UNC13A: variants seen among roughly 807,000 people sequenced by gnomAD.
UNC13A encodes the protein protein unc-13 homolog A.
Under a neutral mutation model 219.7 loss-of-function variants are expected in UNC13A, and 61 were observed. The ratio of observed to expected loss-of-function variants is 0.28; its 90% CI spans 0.23 to 0.34. The LOEUF (loss-of-function observed/expected upper bound fraction) is 0.34. Ranked by LOEUF, UNC13A falls within the 10% of genes least tolerant of loss-of-function variation. UNC13A has a pLI of 1.00. For missense variants in UNC13A, 1,476 were observed against 2,270.3 expected, an observed-to-expected ratio of 0.65 and a Z score of 7.11; for synonymous variants, 920 against 884.6, an observed-to-expected ratio of 1.04 and a Z score of -0.71.
intron 41 of UNC13A, 29 bp downstream of exon 41, chr19:17,617,673 A>G (rs1240499521): frequency 1.2e-6 from 2 of 1,606,080 alleles, no homozygotes; most frequent in Middle Eastern, 1.7e-4. Context: ...GCGGAGCGGG[A>G]AAGGGTGATG....
chr19:17,648,016 T>G (rs1396345270), intron 16 of UNC13A, among the ~76,000 whole-genome samples: 1 of 37,346 alleles, frequency 2.7e-5, no homozygotes. Flanking sequence ...CCCCTCCCCC[T>G]TCCAATCCCC....
At chr19:17,644,015 A>C (rs2076997415) in intron 19 of UNC13A, among the ~76,000 whole-genome samples, 1 of 152,064 alleles carries the variant, frequency 6.6e-6, no homozygotes, top group Non-Finnish European at 1.5e-5. Context: ...CACCTCTCTC[A>C]GGCTGGGTCC....
At chr19:17,681,069 C>CTTTTTT (rs71929988) in intron 1 of UNC13A, among the ~76,000 whole-genome samples, 8 of 96,074 alleles carry the variant, frequency 8.3e-5, no homozygotes, top group Admixed American at 1.3e-4. Flanking sequence ...TTGGCTATTC[C>CTTTTTT]TTTTTTTTTT....
chr19:17,613,415 AAAC>A (rs2076625529), intron 41 of UNC13A, among the ~76,000 whole-genome samples: 1 of 152,062 alleles, frequency 6.6e-6, no homozygotes, highest in African/African-American at 2.4e-5. Flanking sequence ...TCAAAAAACA[AAAC>A]AAAGCAAAAC....
chr19:17,635,974 CAT>C, intron 26 of UNC13A, 48 bp downstream of exon 26: 1 of 1,573,984 alleles, frequency 6.4e-7, no homozygotes, highest in Non-Finnish European at 8.7e-7. Flanking sequence ...AAGTTGTATA[CAT>C]ACACACGATG....
At chr19:17,619,721 C>A (rs1015777625) in intron 38 of UNC13A, among the ~76,000 whole-genome samples, 11 of 152,170 alleles carry the variant, frequency 7.2e-5, no homozygotes, top group African/African-American at 2.7e-4. Context: ...GCGTGAGCCA[C>A]ATTGCCAGCC....
In UNC13A at chr19:17,656,311, G is replaced by A. The variant is rs1419540405; in HGVS notation, c.855C>T (p.His285=). 5 of 1,555,368 alleles carry A rather than the reference G, an allele frequency of 3.2e-6. No individual in the cohort carries two copies. Among genetic ancestry groups the A allele is most frequent in the Non-Finnish European group, 4.3e-6 (5 of 1,149,428 alleles). The change falls in exon 10 of 44, where the codon CAC becomes CAT. Residue 285 remains histidine (H), a synonymous_variant. Transcript: ENST00000519716. ...QLSEDFDPDE[H]SLQGSDMEDE... is the part of the protein sequence containing the mutation. ...CCTCCATGTCGGAGCCCTGCAGGCTGTGCTCGTCAGGGTCGAAGTCCTCGC... is the reference window on the plus strand; with the variant it reads ...CCTCCATGTCGGAGCCCTGCAGGCTATGCTCGTCAGGGTCGAAGTCCTCGC...
intron 8 of UNC13A, 59 bp from the exon 9 acceptor site, chr19:17,658,328 G>T: frequency 6.6e-7 from 1 of 1,510,346 alleles, no homozygotes; most frequent in South Asian, 1.2e-5. Context: ...CATGATGGGA[G>T]CCAATACAAT....
At chr19:17,629,589 T>C (rs887749333) in intron 30 of UNC13A, among the ~76,000 whole-genome samples, 5 of 152,106 alleles carry the variant, frequency 3.3e-5, no homozygotes, top group Non-Finnish European at 7.4e-5. Context: ...AACCACAAGA[T>C]GACCTGATCT....
chr19:17,615,050 C>A (rs1219136115), intron 41 of UNC13A, among the ~76,000 whole-genome samples: 2 of 152,096 alleles, frequency 1.3e-5, no homozygotes, highest in Admixed American at 1.3e-4. Context: ...CTTCTTCCAA[C>A]CCCACTCCCC....
At chr19:17,608,741 C>T (rs1349353127) in intron 43 of UNC13A, among the ~76,000 whole-genome samples, 5 of 151,830 alleles carry the variant, frequency 3.3e-5, no homozygotes, top group African/African-American at 7.3e-5. Flanking sequence ...TGGTCTCGAT[C>T]TCCTGACCTC....
At chr19:17,680,951 G>A (rs1330359579) in intron 1 of UNC13A, among the ~76,000 whole-genome samples, 1 of 134,624 alleles carries the variant, frequency 7.4e-6, no homozygotes, top group Non-Finnish European at 1.5e-5. Flanking sequence ...CCAGGCTGGA[G>A]GGCAGTGGTG....
In UNC13A at chr19:17,630,133, A is replaced by G; in HGVS notation, c.3669+12T>C. 2 of 1,550,066 alleles carry G rather than the reference A, an allele frequency of 1.3e-6. No homozygotes were observed. The highest frequency in any genetic ancestry group is 1.7e-6 in the Non-Finnish European group (2 of 1,146,556). ...CTGTCCCCTAGCCCCAACCCTACCC[A>G]CTCTCCCACACCTTGGCAAAGCGCC... On this transcript the variant is annotated intron_variant, in intron 30 of 43. Coordinates refer to ENST00000519716, the MANE Select transcript of UNC13A (RefSeq NM_001080421.3).
At position 17,606,333 on chromosome 19, in the gene UNC13A, A is replaced by G. The variant is rs755738864; in HGVS notation, c.4833T>C (p.Gly1611=). ...ACACCTGCAGCTCATAGCACTCGGG[A>G]CCCGCGTCGGCGCTCAGCGTGCTGC... ...SFQFTLSADA[G]PECYELQVCV... Residue 1611 remains glycine (G), a synonymous_variant, in exon 44 of 44, where the codon GGT becomes GGC. Coordinates refer to ENST00000519716, the MANE Select transcript of UNC13A (RefSeq NM_001080421.3). 8.4e-6 allele frequency: 13 copies of G among 1,546,928 alleles called. No individual in the cohort carries two copies. The highest frequency in any genetic ancestry group is 1.0e-5 in the Non-Finnish European group (12 of 1,147,444).
At chr19:17,667,412 G>A (rs368715146) in intron 6 of UNC13A, among the ~76,000 whole-genome samples, 7 of 152,202 alleles carry the variant, frequency 4.6e-5, no homozygotes, top group African/African-American at 1.4e-4. Flanking sequence ...CAATATATTC[G>A]TGTAACAAAC....
In UNC13A at chr19:17,640,613, G is replaced by T; in HGVS notation, c.2685C>A (p.Ala895=). ...TGTTGGCGAGCAGGGTGCTCATGAC[G>T]GCAGGCACCCCTGGGCACATATACT... is the stretch of plus-strand genomic sequence containing the variant. ...SSKYMCPGVP[A]VMSTLLANIN... is the part of the protein sequence containing the mutation. Residue 895 remains alanine (A), a synonymous_variant, in exon 22 of 44, where the codon GCC becomes GCA. Transcript: ENST00000519716. The T allele has an allele frequency of 1.9e-6, 3 of 1,589,370 alleles. No individual in the cohort carries two copies. The highest frequency in any genetic ancestry group is 2.6e-6 in the Non-Finnish European group (3 of 1,168,668).
chr19:17,651,082 T>G (rs1422050743), intron 12 of UNC13A, among the ~76,000 whole-genome samples: 1 of 150,152 alleles, frequency 6.7e-6, no homozygotes, highest in East Asian at 2.0e-4. Context: ...GGATTACAGG[T>G]GCGCACCACG....
chr19:17,667,969 G>A (rs1474631825), intron 6 of UNC13A, 148 bp downstream of exon 6: 2 of 749,890 alleles, frequency 2.7e-6, no homozygotes, highest in Admixed American at 2.5e-5. Context: ...GACCACATGG[G>A]TCATGGATGC....
chr19:17,607,835 C>T (rs1182337949), intron 43 of UNC13A, among the ~76,000 whole-genome samples: 1 of 151,260 alleles, frequency 6.6e-6, no homozygotes, highest in East Asian at 1.9e-4. Context: ...CCCAACTCTA[C>T]CCTTGCTAAC....
Sources: gnomAD v4.1 joint callset for allele counts (sites outside exome capture counted in the v4.1 genomes callset) on GRCh38, gnomAD v4.1.1 for gene constraint, MANE v1.5 for transcripts, NCBI Gene and HGNC (gene_info 2026-07-23, HGNC 2026-07-21) for gene names.